The following GRID2 variants were observed in gnomAD, a reference collection of about 807,000 sequenced individuals.
GRID2 encodes the protein glutamate receptor ionotropic, delta-2.
In GRID2, 33 loss-of-function variants were observed where a neutral mutation model predicts 114.8. The ratio of observed to expected loss-of-function variants is 0.29; its 90% CI spans 0.22 to 0.38. The LOEUF (loss-of-function observed/expected upper bound fraction) is 0.38. GRID2 is among the 10% of genes least tolerant of loss of function. GRID2 has a pLI of 1.00. For synonymous variants in GRID2, 505 were observed against 449.9 expected (o/e 1.12, Z -1.55); for missense variants, 1,184 against 1,257.7 (o/e 0.94, Z 0.89).
intron 2 of GRID2, among the ~76,000 whole-genome samples, chr4:92,608,962 C>A (rs540721817): frequency 1.6e-4 from 25 of 151,810 alleles, no homozygotes; most frequent in African/African-American, 5.5e-4. Flanking sequence ...AATGTGCTTT[C>A]TGGCTTCAAA....
intron 2 of GRID2, among the ~76,000 whole-genome samples, chr4:92,769,449 T>C (rs1242952204): frequency 6.6e-6 from 1 of 152,156 alleles, no homozygotes; most frequent in East Asian, 1.9e-4. Context: ...GGTAGCCCTC[T>C]TCTTCCAGCT....
At chr4:92,920,018 A>C (rs1749175644) in intron 2 of GRID2, among the ~76,000 whole-genome samples, 1 of 152,118 alleles carries the variant, frequency 6.6e-6, no homozygotes, top group Non-Finnish European at 1.5e-5. Context: ...TTGCTTTATG[A>C]ATCTGGGTGC....
At chr4:93,585,028 A>G (rs1737389066) in intron 13 of GRID2, among the ~76,000 whole-genome samples, 1 of 152,124 alleles carries the variant, frequency 6.6e-6, no homozygotes, top group Non-Finnish European at 1.5e-5. Flanking sequence ...CATAATAAGC[A>G]GAGGTTATCA....
At chr4:93,549,568 G>A (rs1733567088) in intron 13 of GRID2, among the ~76,000 whole-genome samples, 1 of 152,118 alleles carries the variant, frequency 6.6e-6, no homozygotes, top group African/African-American at 2.4e-5. Flanking sequence ...CAAACTATCA[G>A]ACTTTAAATA....
At chr4:93,389,681 T>C (rs1764655741) in intron 8 of GRID2, among the ~76,000 whole-genome samples, 1 of 152,196 alleles carries the variant, frequency 6.6e-6, no homozygotes, top group Middle Eastern at 3.2e-3. Context: ...ACAATATCCC[T>C]AGTTAGCTTT....
rs187616548 is a variant in GRID2, at chr4:93,057,389, A to G, written c.245-27606A>G. Among the ~76,000 whole-genome samples, 634 of 152,020 alleles carry G rather than the reference A, an allele frequency of 4.2e-3. 3 individuals are homozygous for G. Among genetic ancestry groups the G allele is most frequent in the Non-Finnish European group, 5.7e-3 (388 of 67,908 alleles). On this transcript the variant is annotated intron_variant, in intron 2 of 15. Coordinates refer to ENST00000282020, the MANE Select transcript of GRID2 (RefSeq NM_001510.4). ...TAAGAGCATGTATTATTTAGAAGAA[A>G]AAGTCGAGAGACACTTGGTTCCAGA...
intron 1 of GRID2, among the ~76,000 whole-genome samples, chr4:92,421,594 T>G (rs1731911627): frequency 2.0e-5 from 3 of 152,146 alleles, no homozygotes; most frequent in African/African-American, 4.8e-5. Context: ...GGTCCAAGGC[T>G]GCTGTTATTC....
At chr4:93,239,780 G>C (rs1220939070) in intron 8 of GRID2, among the ~76,000 whole-genome samples, 2 of 151,512 alleles carry the variant, frequency 1.3e-5, no homozygotes, top group African/African-American at 4.8e-5. Context: ...CTTGTCAATA[G>C]TGTAATATTT....
chr4:92,887,126 T>C (rs1174607606), intron 2 of GRID2, among the ~76,000 whole-genome samples: 1 of 152,184 alleles, frequency 6.6e-6, no homozygotes, highest in African/African-American at 2.4e-5. Flanking sequence ...TTGTTCATAT[T>C]GTTATCATTA....
intron 8 of GRID2, among the ~76,000 whole-genome samples, chr4:93,269,330 A>T (rs1751182372): frequency 6.6e-6 from 1 of 152,220 alleles, no homozygotes; most frequent in South Asian, 2.1e-4. Flanking sequence ...ATTTTATTTT[A>T]CAGAAAATCA....
chr4:93,154,276 T>C (rs1460514671), intron 4 of GRID2, among the ~76,000 whole-genome samples: 1 of 152,148 alleles, frequency 6.6e-6, no homozygotes, highest in Admixed American at 6.6e-5. Context: ...ATCTGCAGCT[T>C]CAAACCCTCC....
chr4:93,091,928 A>G (rs2149330138), intron 3 of GRID2, among the ~76,000 whole-genome samples: 1 of 152,296 alleles, frequency 6.6e-6, no homozygotes, highest in Admixed American at 6.5e-5. Flanking sequence ...AAAAGGTCAG[A>G]ATGAAATTTT....
chr4:93,248,019 C>T (rs1158764351), intron 8 of GRID2, among the ~76,000 whole-genome samples: 1 of 151,994 alleles, frequency 6.6e-6, no homozygotes, highest in Non-Finnish European at 1.5e-5. Context: ...TAGTTTCCTT[C>T]CCACTCTACT....
At chr4:92,922,322 G>A (rs868277604) in intron 2 of GRID2, among the ~76,000 whole-genome samples, 12 of 152,042 alleles carry the variant, frequency 7.9e-5, no homozygotes, top group Admixed American at 3.9e-4. Context: ...ACCCTGCTTC[G>A]GCTCATGTTT....
chr4:92,538,852 C>T (rs1725781743), intron 1 of GRID2, among the ~76,000 whole-genome samples: 1 of 152,014 alleles, frequency 6.6e-6, no homozygotes, highest in Non-Finnish European at 1.5e-5. Context: ...ACCATCCTGG[C>T]TAACACCATG....
chr4:92,861,407 C>T (rs768847000), intron 2 of GRID2, among the ~76,000 whole-genome samples: 2 of 152,036 alleles, frequency 1.3e-5, no homozygotes, highest in African/African-American at 2.4e-5. Context: ...CACACTAGTG[C>T]GAAGGAAATC....
At chr4:92,827,287 T>C (rs555332639) in intron 2 of GRID2, among the ~76,000 whole-genome samples, 2 of 151,930 alleles carry the variant, frequency 1.3e-5, no homozygotes, top group East Asian at 1.9e-4. Flanking sequence ...GCATATATAT[T>C]GGAAATTATC....
chr4:93,728,618 T>G (rs1730174377), intron 14 of GRID2, among the ~76,000 whole-genome samples: 1 of 152,182 alleles, frequency 6.6e-6, no homozygotes. Context: ...TGTGTTGGAG[T>G]CTAAGTCTCT....
At chr4:92,893,439 C>T (rs1746938479) in intron 2 of GRID2, among the ~76,000 whole-genome samples, 1 of 152,146 alleles carries the variant, frequency 6.6e-6, no homozygotes, top group Admixed American at 6.6e-5. Context: ...ATCCTGAGCC[C>T]TTGTCCTGGC....
Sources: gnomAD v4.1 joint callset for allele counts (sites outside exome capture counted in the v4.1 genomes callset) on GRCh38, gnomAD v4.1.1 for gene constraint, MANE v1.5 for transcripts, NCBI Gene and HGNC (gene_info 2026-07-23, HGNC 2026-07-21) for gene names.